ATP9B: variants seen among roughly 807,000 people sequenced by gnomAD.
ATP9B encodes ATPase phospholipid transporting 9B.
ATP9B carries 110 observed loss-of-function variants against 146.1 expected under a neutral mutation model. That is an observed-to-expected ratio of 0.75 (90% confidence interval 0.65 to 0.88). The LOEUF (loss-of-function observed/expected upper bound fraction) is 0.88, where lower values mean the gene tolerates loss of function less well. ATP9B is among the 40% of genes least tolerant of loss of function. The pLI, the probability that ATP9B is intolerant of heterozygous loss-of-function variation, is 0.00. For synonymous variants in ATP9B, 604 were observed against 569.7 expected, an observed-to-expected ratio of 1.06 and a Z score of -0.86; for missense variants, 1,499 against 1,496.4, an observed-to-expected ratio of 1.00 and a Z score of -0.03.
chr18:79,070,714 AT>A (rs1268035080), intron 1 of ATP9B, among the ~76,000 whole-genome samples: 1 of 150,904 alleles, frequency 6.6e-6, no homozygotes, highest in African/African-American at 2.4e-5. Flanking sequence ...CACATTCAAG[AT>A]TTTTTGTCAT....
chr18:79,190,616 T>C (rs1176640660), intron 8 of ATP9B, among the ~76,000 whole-genome samples: 2 of 152,098 alleles, frequency 1.3e-5, no homozygotes, highest in Non-Finnish European at 2.9e-5. Context: ...CGATCTCGGC[T>C]CACTGCAACC....
intron 8 of ATP9B, among the ~76,000 whole-genome samples, chr18:79,180,717 C>T (rs1264878583): frequency 1.3e-5 from 2 of 152,136 alleles, no homozygotes; most frequent in Non-Finnish European, 2.9e-5. Flanking sequence ...CTTCTTTCAA[C>T]GTATCTTGTA....
At chr18:79,349,878 C>G (rs600162) in intron 25 of ATP9B, among the ~76,000 whole-genome samples, 8 of 144,546 alleles carry the variant, frequency 5.5e-5, no homozygotes, top group Non-Finnish European at 1.2e-4. Context: ...GTCCTTGCTT[C>G]CCTGGGAGGC....
chr18:79,126,552 T>C (rs2094290435), intron 5 of ATP9B, among the ~76,000 whole-genome samples, 177 bp downstream of exon 5: 2 of 152,206 alleles, frequency 1.3e-5, no homozygotes, highest in Admixed American at 1.3e-4. Flanking sequence ...GGGTAGATAT[T>C]TGTTCATTCT....
At chr18:79,296,547 A>G (rs1024366123) in intron 13 of ATP9B, among the ~76,000 whole-genome samples, 1 of 152,250 alleles carries the variant, frequency 6.6e-6, no homozygotes, top group African/African-American at 2.4e-5. Flanking sequence ...ACAGGAAAGA[A>G]CTAAATATAG....
In ATP9B at chr18:79,347,845, C is replaced by T. The variant is rs778188139; in HGVS notation, c.2758C>T (p.His920Tyr). Residue 920 changes from histidine to tyrosine, a missense_variant, in exon 24 of 30, where the codon CAC becomes TAC. By Grantham distance (83) the His-to-Tyr change is moderately conservative (BLOSUM62 2). Transcript: ENST00000426216. Reference protein sequence around the residue: ...FRHIGRLLMVHGRNSYKRSAA... With the variant: ...FRHIGRLLMVYGRNSYKRSAA... ...GCACATAGGCAGGCTGCTCATGGTG[C>T]ACGGGCGGAACAGCTACAAGAGGTC... 1.9e-6 allele frequency: 3 copies of T among 1,613,780 alleles called. No individual in the cohort carries two copies. Among genetic ancestry groups the T allele is most frequent in the South Asian group, 2.2e-5 (2 of 91,060 alleles).
At chr18:79,158,021 G>GT (rs545076907) in intron 7 of ATP9B, among the ~76,000 whole-genome samples, 240 of 151,998 alleles carry the variant, frequency 1.6e-3, no homozygotes, top group Non-Finnish European at 2.8e-3. Context: ...ATTGGTTTCT[G>GT]TTTTTATTGT....
chr18:79,253,369 T>G lies in ATP9B; in HGVS notation c.1108-12T>G. ...GGTTAGCTTGTTCATGTATTATGTG[T>G]TTTTCTTTCAGGTTGGTTTGTTGGA... On this transcript the variant is annotated splice_polypyrimidine_tract_variant and intron_variant, in intron 11 of 29. Coordinates refer to ENST00000426216, the MANE Select transcript of ATP9B (RefSeq NM_198531.5). 6.2e-7 allele frequency: 1 copy of G among 1,604,740 alleles called. No homozygotes were observed. The highest frequency in any genetic ancestry group is 8.5e-7 in the Non-Finnish European group (1 of 1,177,352).
At chr18:79,202,248 ATGAT>A (rs2095495849) in intron 9 of ATP9B, among the ~76,000 whole-genome samples, 1 of 152,226 alleles carries the variant, frequency 6.6e-6, no homozygotes, top group Non-Finnish European at 1.5e-5. Flanking sequence ...CATTATGTGA[ATGAT>A]TGATATCGCT....
chr18:79,297,656 C>G (rs1226341370), intron 13 of ATP9B, among the ~76,000 whole-genome samples: 1 of 152,136 alleles, frequency 6.6e-6, no homozygotes, highest in Admixed American at 6.5e-5. Context: ...CTTTACAGAT[C>G]AAAAATTCTC....
Position 79,239,831 on chromosome 18 carries a change from C to T in ATP9B, c.1108-13550C>T, listed in dbSNP as rs541951545. On this transcript the variant is annotated intron_variant, in intron 11 of 29. Coordinates refer to ENST00000426216, the MANE Select transcript of ATP9B (RefSeq NM_198531.5). This position sits in a 1 kb window ranked among gnomAD's most constrained non-coding sequence, Gnocchi z 5.1. ...TCATCAGTTAATTATTACACGGAGGCGTTACTGAAGAGGCATCTGAATGTG... is the reference window on the plus strand; with the variant it reads ...TCATCAGTTAATTATTACACGGAGGTGTTACTGAAGAGGCATCTGAATGTG... Among the ~76,000 whole-genome samples the T allele has an allele frequency of 1.3e-5, 2 of 152,286 alleles. No homozygotes were observed. The highest frequency in any genetic ancestry group is 3.9e-4 in the East Asian group (2 of 5,182).
intron 29 of ATP9B, chr18:79,375,816 T>A: frequency 1.0e-6 from 1 of 985,434 alleles, no homozygotes; most frequent in Non-Finnish European, 1.2e-6. Context: ...CGCTTCCCTG[T>A]GTCATTTATT....
chr18:79,069,479 G>A lies in ATP9B; in HGVS notation c.69G>A (p.Ala23=), dbSNP rs1481497995. The A allele has an allele frequency of 1.3e-6, 2 of 1,495,514 alleles. No individual in the cohort carries two copies. Among genetic ancestry groups the A allele is most frequent in the Non-Finnish European group, 1.8e-6 (2 of 1,124,272 alleles). 92.6% of individuals were successfully genotyped at this position (1,495,514 alleles called of 1,614,324 possible). A position where few individuals can be genotyped will look rare whatever the true frequency, so the allele number is the denominator to read the frequency against. Residue 23 remains alanine (A), a synonymous_variant, in exon 1 of 30, where the codon GCG becomes GCA. Transcript: ENST00000426216. ...AAAAAANRKR[A]AYYSAAGPRP... ...CGGCCGCAGCCAACCGCAAACGCGC[G>A]GCCTACTACAGCGCCGCGGGGCCCA...
intron 8 of ATP9B, among the ~76,000 whole-genome samples, chr18:79,179,840 T>C (rs2095229461): frequency 6.6e-6 from 1 of 152,234 alleles, no homozygotes; most frequent in Non-Finnish European, 1.5e-5. Context: ...GTTTTATAGT[T>C]GTTTTCTACC....
chr18:79,167,858 T>C (rs747141580), intron 7 of ATP9B, among the ~76,000 whole-genome samples: 2 of 152,116 alleles, frequency 1.3e-5, no homozygotes, highest in African/African-American at 2.4e-5. Flanking sequence ...CCCAGGAACT[T>C]GTGGGACTCC....
At chr18:79,297,504 T>G (rs961625017) in intron 13 of ATP9B, among the ~76,000 whole-genome samples, 1 of 152,240 alleles carries the variant, frequency 6.6e-6, no homozygotes. Context: ...ATTTTATATA[T>G]TGTGGGTATT....
At chr18:79,201,751 G>A (rs973916608) in intron 9 of ATP9B, among the ~76,000 whole-genome samples, 1 of 152,066 alleles carries the variant, frequency 6.6e-6, no homozygotes, top group African/African-American at 2.4e-5. Context: ...TGTATTTTTA[G>A]TAGAGACGGG....
At chr18:79,103,383 G>T (rs1016987945) in intron 2 of ATP9B, among the ~76,000 whole-genome samples, 1 of 151,706 alleles carries the variant, frequency 6.6e-6, no homozygotes, top group Non-Finnish European at 1.5e-5. Context: ...CTCTGGAGAT[G>T]TAAGTTGCAG....
At chr18:79,376,817 C>T (rs1489686738) in intron 29 of ATP9B, among the ~76,000 whole-genome samples, 1 of 151,936 alleles carries the variant, frequency 6.6e-6, no homozygotes, top group Non-Finnish European at 1.5e-5. Context: ...GTCTCCACCT[C>T]CCCGGTAGCT....
Sources: allele counts gnomAD v4.1 joint callset (sites outside exome capture counted in the v4.1 genomes callset), GRCh38; gene constraint gnomAD v4.1.1; non-coding constraint Gnocchi (gnomAD v3.1); transcripts MANE v1.5; gene names NCBI Gene and HGNC (gene_info 2026-07-23, HGNC 2026-07-21).